Variants in MET observed in about 807,000 individuals in gnomAD.
The protein encoded by MET is MET proto-oncogene, receptor tyrosine kinase.
A neutral mutation model predicts 133.1 loss-of-function variants in MET; 48 were observed. The ratio of observed to expected loss-of-function variants is 0.36; its 90% confidence interval spans 0.29 to 0.46. MET has a LOEUF of 0.46. MET is among the 20% of genes least tolerant of loss of function. MET has a pLI of 1.00. For synonymous variants in MET, 628 were observed against 616.5 expected (o/e 1.02, Z -0.28); for missense variants, 1,442 against 1,695.9 (o/e 0.85, Z 2.63).
At chr7:116,742,551 T>G (rs1375386318) in intron 5 of MET, among the ~76,000 whole-genome samples, 1 of 152,242 alleles carries the variant, frequency 6.6e-6, no homozygotes, top group Non-Finnish European at 1.5e-5. Flanking sequence ...AAGCTGGTAT[T>G]TTAAGTAAAG....
At chr7:116,700,376 G>C (rs1791532084) in intron 2 of MET, 92 bp downstream of exon 2, 1 of 1,426,442 alleles carries the variant, frequency 7.0e-7, no homozygotes, top group Non-Finnish European at 9.3e-7. Flanking sequence ...CTTCTTTTGT[G>C]CTTTGTAAAT....
intron 5 of MET, among the ~76,000 whole-genome samples, chr7:116,754,817 AAAAAG>A (rs1276965726): frequency 1.3e-5 from 2 of 150,950 alleles, no homozygotes; most frequent in African/African-American, 2.4e-5. Flanking sequence ...ACTCTGTCTG[AAAAAG>A]AAAAGAAAAG....
intron 2 of MET, among the ~76,000 whole-genome samples, chr7:116,711,499 T>C (rs912637691): frequency 3.3e-5 from 5 of 152,242 alleles, no homozygotes; most frequent in Non-Finnish European, 5.9e-5. Context: ...AATTCAGTCT[T>C]GTATTCCTTC....
rs534819031 is a variant in MET at position 116,689,559 on chromosome 7, C to CTTTTTTTT, written c.-14-9492_-14-9485dup. Reference sequence around the variant, plus strand: ...ATCTCAGTTGGGATATGGGCTTACTCTTTTTTTTTTTTTTTTTTTTTTTTT... The same window carrying CTTTTTTTT: ...ATCTCAGTTGGGATATGGGCTTACTCTTTTTTTTTTTTTTTTTTTTTTTTTTTTTTTTT... On this transcript the variant is annotated intron_variant, in intron 1 of 20. Coordinates refer to ENST00000397752, the MANE Select transcript of MET (RefSeq NM_000245.4). Among the ~76,000 whole-genome samples the CTTTTTTTT allele has an allele frequency of 8.8e-4, 83 of 94,812 alleles. 8 individuals carry two copies. Among genetic ancestry groups the CTTTTTTTT allele is most frequent in the African/African-American group, 3.4e-3 (77 of 22,492 alleles). The allele number at this position is 94,812 out of a possible 152,430, so 62.2% of individuals were successfully genotyped here.
rs2023748 is a variant in MET at position 116,795,968 on chromosome 7, G to A, written c.4017G>A (p.Ala1339=). 702,847 of 1,613,922 alleles carry A rather than the reference G, an allele frequency of 0.44. 158,321 individuals carry two copies. The highest frequency in any genetic ancestry group is 0.49 in the Admixed American group (29,623 of 60,000). The change falls in exon 21 of 21, where the codon GCG becomes GCA. Residue 1339 remains alanine, a synonymous_variant. Coordinates refer to ENST00000397752, the MANE Select transcript of MET (RefSeq NM_000245.4). ...SFSELVSRIS[A]IFSTFIGEHY... ...CTGAACTGGTGTCCCGGATATCAGCGATCTTCTCTACTTTCATTGGGGAGC... is the reference window on the plus strand; with the variant it reads ...CTGAACTGGTGTCCCGGATATCAGCAATCTTCTCTACTTTCATTGGGGAGC...
chr7:116,771,447 C>T (rs781609446), intron 12 of MET, 51 bp from the exon 13 acceptor site: 1 of 1,610,888 alleles, frequency 6.2e-7, no homozygotes, highest in South Asian at 1.1e-5. Context: ...CTGTGTAGTA[C>T]AAATATCTAT....
At position 116,797,995 on chromosome 7, in the gene MET, G is replaced by A. The variant is rs139377965; in HGVS notation, c.*1871G>A. 252 of 219,578 alleles carry A rather than the reference G, an allele frequency of 1.1e-3. No homozygotes were observed. The highest frequency in any genetic ancestry group is 4.8e-3 in the African/African-American group (216 of 44,670). The allele number at this position is 219,578 out of a possible 1,614,324, so 13.6% of individuals were successfully genotyped here. A position where few individuals can be genotyped will look rare whatever the true frequency, so the allele number is the denominator to read the frequency against. On this transcript the variant is annotated 3_prime_UTR_variant, in exon 21 of 21. Transcript: ENST00000397752. ...GAGCTATTACAATCCAAATATTGCC[G>A]TTTCATAAATGTAATAAGTAATACT...
chr7:116,789,231 T>C (rs370593031), intron 19 of MET, among the ~76,000 whole-genome samples: 1 of 152,164 alleles, frequency 6.6e-6, no homozygotes, highest in Admixed American at 6.6e-5. Flanking sequence ...CTCCCAGGAT[T>C]TTTGTCTTTA....
intron 19 of MET, among the ~76,000 whole-genome samples, chr7:116,785,114 G>C (rs147811552): frequency 6.6e-6 from 1 of 152,224 alleles, no homozygotes; most frequent in South Asian, 2.1e-4. Flanking sequence ...TCCAGGGCAC[G>C]CTGATGCAAG....
intron 5 of MET, among the ~76,000 whole-genome samples, chr7:116,750,555 A>G (rs1401299513): frequency 2.0e-5 from 3 of 152,246 alleles, no homozygotes; most frequent in Admixed American, 6.5e-5. Flanking sequence ...ACCAAAAGCA[A>G]TGGCAACAAA....
intron 5 of MET, among the ~76,000 whole-genome samples, chr7:116,754,983 G>GGAAA (rs10674901): frequency 0.13 from 10,115 of 78,758 alleles, 806 homozygotes; most frequent in Middle Eastern, 0.15. Context: ...AGCAGAGAAA[G>GGAAA]GAAAGAAAGA....
At chr7:116,692,586 C>T (rs1442699108) in intron 1 of MET, among the ~76,000 whole-genome samples, 2 of 152,090 alleles carry the variant, frequency 1.3e-5, no homozygotes, top group African/African-American at 4.8e-5. Context: ...ATGAGAAAAC[C>T]AGAGGTGGGC....
intron 2 of MET, among the ~76,000 whole-genome samples, chr7:116,720,667 C>T (rs1415297092): frequency 7.4e-6 from 1 of 135,674 alleles, no homozygotes; most frequent in African/African-American, 2.8e-5. Context: ...CCCATCAATA[C>T]CTAATTTATT....
At chr7:116,772,116 C>T (rs2117000119) in intron 14 of MET, 127 bp downstream of exon 14, 1 of 1,002,796 alleles carries the variant, frequency 1.0e-6, no homozygotes, top group East Asian at 2.6e-5. Flanking sequence ...TTACCTCTGC[C>T]AAGTAAGTAT....
chr7:116,791,373 C>T (rs193686), intron 19 of MET, among the ~76,000 whole-genome samples: 104,302 of 151,892 alleles, frequency 0.69, 36,154 homozygotes, highest in East Asian at 0.89. Context: ...ACATTGTCAG[C>T]TTTCTGATTG....
chr7:116,792,689 T>TACCCAG (rs1433796696), intron 19 of MET, among the ~76,000 whole-genome samples: 1 of 152,170 alleles, frequency 6.6e-6, no homozygotes, highest in Non-Finnish European at 1.5e-5. Flanking sequence ...TATTTTCTGA[T>TACCCAG]ACCCAGTTAT....
At chr7:116,683,028 C>T (rs150888353) in intron 1 of MET, among the ~76,000 whole-genome samples, 1,801 of 152,268 alleles carry the variant, frequency 0.012, 27 homozygotes, top group Middle Eastern at 0.024. Context: ...ATCCTACCCA[C>T]CTTACAACTC....
intron 2 of MET, 26 bp downstream of exon 2, chr7:116,700,310 T>C (rs759577935): frequency 3.8e-6 from 6 of 1,593,874 alleles, no homozygotes; most frequent in Admixed American, 3.5e-5. Context: ...TCCCCACTTA[T>C]AAACTGTGAG....
At chr7:116,679,345 G>A (rs1409286948) in intron 1 of MET, among the ~76,000 whole-genome samples, 2 of 152,122 alleles carry the variant, frequency 1.3e-5, no homozygotes, top group African/African-American at 4.8e-5. Flanking sequence ...TTTAAAATAA[G>A]CCATCTAACT....
Sources: allele counts gnomAD v4.1 joint callset (sites outside exome capture counted in the v4.1 genomes callset), GRCh38; gene constraint gnomAD v4.1.1; transcripts MANE v1.5; gene names NCBI Gene and HGNC (gene_info 2026-07-23, HGNC 2026-07-21).